The following ZFPM2 variants were observed in gnomAD, a reference collection of about 807,000 sequenced individuals.
The protein encoded by ZFPM2 is zinc finger protein, FOG family member 2, also known as zinc finger protein ZFPM2.
ZFPM2 carries 20 observed loss-of-function variants against 98.6 expected under a neutral mutation model. The observed-to-expected ratio is 0.20, with a 90% CI of 0.14 to 0.29. The LOEUF (loss-of-function observed/expected upper bound fraction) is 0.29, where lower values mean the gene tolerates loss of function less well. Ranked by LOEUF, ZFPM2 falls within the 10% of genes least tolerant of loss-of-function variation. The probability of loss-of-function intolerance (pLI) is 1.00; values close to 1 mark genes in which losing one functional copy is unlikely to be tolerated. For missense variants in ZFPM2, 1,310 were observed against 1,388.6 expected (o/e 0.94, Z 0.90); for synonymous variants, 518 against 502.7 (o/e 1.03, Z -0.41).
At chr8:105,600,917 A>G (rs1200323389) in intron 4 of ZFPM2, among the ~76,000 whole-genome samples, 1 of 152,078 alleles carries the variant, frequency 6.6e-6, no homozygotes, top group Non-Finnish European at 1.5e-5. Context: ...CATATTCACT[A>G]TGAATATTTT....
intron 1 of ZFPM2, chr8:105,319,470 ATCAGAGCG>A (rs1811976714): frequency 6.6e-6 from 1 of 152,434 alleles, no homozygotes; most frequent in Admixed American, 6.5e-5. Context: ...GCGGTGGAAA[ATCAGAGCG>A]TCAGGGTCCC....
intron 1 of ZFPM2, among the ~76,000 whole-genome samples, chr8:105,332,785 A>G (rs1262538284): frequency 6.6e-6 from 1 of 151,654 alleles, no homozygotes; most frequent in Non-Finnish European, 1.5e-5. Flanking sequence ...TGTAGTCATG[A>G]CAAGAGGGAA....
intron 5 of ZFPM2, among the ~76,000 whole-genome samples, chr8:105,696,221 C>T (rs1011207574): frequency 2.6e-5 from 4 of 152,172 alleles, no homozygotes; most frequent in African/African-American, 7.2e-5. Context: ...TCAATGGGGT[C>T]ACTGTAGGAA....
At chr8:105,781,751 C>G (rs1255655199) in intron 5 of ZFPM2, among the ~76,000 whole-genome samples, 8 of 152,072 alleles carry the variant, frequency 5.3e-5, no homozygotes, top group Non-Finnish European at 1.0e-4. Context: ...CTTGGAGTCA[C>G]TTCCACATCA....
At chr8:105,622,247 C>T (rs555947028) in intron 4 of ZFPM2, among the ~76,000 whole-genome samples, 1 of 152,140 alleles carries the variant, frequency 6.6e-6, no homozygotes, top group South Asian at 2.1e-4. Flanking sequence ...TTTAATTGAT[C>T]AGTTTGTCAT....
chr8:105,603,790 G>A (rs1816142427), intron 4 of ZFPM2, among the ~76,000 whole-genome samples: 1 of 151,962 alleles, frequency 6.6e-6, no homozygotes, highest in Non-Finnish European at 1.5e-5. Context: ...ATCCTGCATA[G>A]TGATAACGCT....
At position 105,653,854 on chromosome 8, in the gene ZFPM2, C is replaced by CTTTTT. The variant is rs60218363; in HGVS notation, c.532+19526_532+19530dup. ...CTTTATACAACAGCTTGTGTGCTAT[C>CTTTTT]TTTTTTTTTTTTTTTTTTTTTTTTT... is the stretch of plus-strand genomic sequence containing the variant. On this transcript the variant is annotated intron_variant, in intron 5 of 7. Coordinates refer to ENST00000407775, the MANE Select transcript of ZFPM2 (RefSeq NM_012082.4). Among the ~76,000 whole-genome samples the CTTTTT allele has an allele frequency of 2.3e-3, 80 of 35,288 alleles. 17 individuals are homozygous for CTTTTT. Among genetic ancestry groups the CTTTTT allele is most frequent in the Admixed American group, 4.0e-3 (7 of 1,754 alleles). The allele number at this position is 35,288 out of a possible 152,430, so 23.2% of individuals were successfully genotyped here. A position where few individuals can be genotyped will look rare whatever the true frequency, so the allele number is the denominator to read the frequency against.
chr8:105,436,429 A>G (rs769162692), intron 2 of ZFPM2, among the ~76,000 whole-genome samples: 10 of 151,500 alleles, frequency 6.6e-5, no homozygotes, highest in Non-Finnish European at 1.5e-4. Flanking sequence ...CTGAAGCAGG[A>G]GAATCGCTTG....
At chr8:105,684,923 A>G (rs1354773927) in intron 5 of ZFPM2, 1 of 152,098 alleles carries the variant, frequency 6.6e-6, no homozygotes. Context: ...GTGATTCTTT[A>G]TTCCTAAAAC....
rs143108661 is a variant in ZFPM2, at chr8:105,726,552, C to T, written c.533-62166C>T. 3.9e-3 allele frequency among the ~76,000 whole-genome samples: 587 copies of T among 151,862 alleles called. 4 individuals are homozygous for T. Among genetic ancestry groups the T allele is most frequent in the African/African-American group, 0.01 (425 of 41,500 alleles). ...GACTGGTCAGTAAATAACTAGCAGA[C>T]GCTTCGTTTGTTTGTGCTAGCATCA... On this transcript the variant is annotated intron_variant, in intron 5 of 7. Coordinates refer to ENST00000407775, the MANE Select transcript of ZFPM2 (RefSeq NM_012082.4).
At position 105,696,921 on chromosome 8, in the gene ZFPM2, G is replaced by T. The variant is rs142336496; in HGVS notation, c.532+62564G>T. 6.2e-4 allele frequency among the ~76,000 whole-genome samples: 94 copies of T among 152,068 alleles called. 1 individual carries two copies. The highest frequency in any genetic ancestry group is 2.2e-3 in the African/African-American group (92 of 41,486). ...AAATATAAATCAGATAAATAAATTG[G>T]GGTATCGGTGACCCCTGATGAACTT... is the stretch of plus-strand genomic sequence containing the variant. On this transcript the variant is annotated intron_variant, in intron 5 of 7. Transcript: ENST00000407775.
rs577715636 is a variant in ZFPM2 at position 105,578,393 on chromosome 8, T to A, written c.420+16912T>A. On this transcript the variant is annotated intron_variant, in intron 4 of 7. Transcript: ENST00000407775. ...TACTACAATCTGATATTCTCTTACC[T>A]TATTTTATATTGTTTTACTCCAGTT... 6.8e-5 allele frequency among the ~76,000 whole-genome samples: 8 copies of A among 118,248 alleles called. No individual in the cohort carries two copies. The East Asian group carries it at 1.9e-3, about 28-fold the overall frequency. 77.6% of individuals were successfully genotyped at this position (118,248 alleles called of 152,430 possible).
intron 3 of ZFPM2, among the ~76,000 whole-genome samples, chr8:105,475,452 C>G (rs79591822): frequency 0.019 from 2,966 of 152,210 alleles, 97 homozygotes; most frequent in African/African-American, 0.068. Flanking sequence ...TAACATAAAA[C>G]CTTTGATTGT....
intron 3 of ZFPM2, among the ~76,000 whole-genome samples, chr8:105,544,526 G>C (rs192386081): frequency 6.6e-6 from 1 of 152,028 alleles, no homozygotes; most frequent in Non-Finnish European, 1.5e-5. Context: ...TTCAGCTCTG[G>C]CCCTGCCACC....
At chr8:105,332,033 A>C (rs1441431987) in intron 1 of ZFPM2, among the ~76,000 whole-genome samples, 1 of 151,274 alleles carries the variant, frequency 6.6e-6, no homozygotes, top group Non-Finnish European at 1.5e-5. Context: ...TCCCTATCCA[A>C]CTCCTACCCA....
At chr8:105,787,847 C>G (rs1033334906) in intron 5 of ZFPM2, among the ~76,000 whole-genome samples, 1 of 151,948 alleles carries the variant, frequency 6.6e-6, no homozygotes, top group Non-Finnish European at 1.5e-5. Context: ...AAGTGCTTTG[C>G]CTGTCTAAAC....
chr8:105,422,083 A>G (rs941298301), intron 2 of ZFPM2, among the ~76,000 whole-genome samples: 4 of 150,266 alleles, frequency 2.7e-5, no homozygotes, highest in African/African-American at 9.8e-5. Flanking sequence ...AGAAGTATTT[A>G]AATGGTTAAC....
At chr8:105,597,079 G>A (rs1815986796) in intron 4 of ZFPM2, among the ~76,000 whole-genome samples, 1 of 151,550 alleles carries the variant, frequency 6.6e-6, no homozygotes, top group Non-Finnish European at 1.5e-5. Flanking sequence ...CTGTTAACCA[G>A]TATATTTGAA....
At chr8:105,742,750 AGTGTG>A (rs1812248960) in intron 5 of ZFPM2, among the ~76,000 whole-genome samples, 1 of 151,964 alleles carries the variant, frequency 6.6e-6, no homozygotes, top group Non-Finnish European at 1.5e-5. Flanking sequence ...AAATTAGCCA[AGTGTG>A]GTGGCAGGTT....
Sources: allele counts gnomAD v4.1 joint callset (sites outside exome capture counted in the v4.1 genomes callset), GRCh38; gene constraint gnomAD v4.1.1; transcripts MANE v1.5; gene names NCBI Gene and HGNC (gene_info 2026-07-23, HGNC 2026-07-21).